UBR1: variants seen among roughly 807,000 people sequenced by gnomAD.
The protein encoded by UBR1 is ubiquitin protein ligase E3 component n-recognin 1, also known as E3 ubiquitin-protein ligase UBR1.
In UBR1, 102 loss-of-function variants were observed where a neutral mutation model predicts 242.1. That is an observed-to-expected ratio of 0.42 (90% CI 0.36 to 0.50). The LOEUF (loss-of-function observed/expected upper bound fraction) is 0.50. Ranked by LOEUF, UBR1 falls within the 20% of genes least tolerant of loss-of-function variation. The pLI is 0.01. For synonymous variants in UBR1, 675 were observed against 684.8 expected, an observed-to-expected ratio of 0.99 and a Z score of 0.22; for missense variants, 1,772 against 2,101.8, an observed-to-expected ratio of 0.84 and a Z score of 3.07.
chr15:42,966,544 G>A (rs1375685098), intron 40 of UBR1, among the ~76,000 whole-genome samples: 2 of 152,076 alleles, frequency 1.3e-5, no homozygotes, highest in East Asian at 1.9e-4. Context: ...CGGGCATGGT[G>A]GTGGGCACCT....
At chr15:42,978,815 G>C (rs1161135314) in intron 37 of UBR1, among the ~76,000 whole-genome samples, 1 of 146,300 alleles carries the variant, frequency 6.8e-6, no homozygotes, top group Admixed American at 7.0e-5. Flanking sequence ...CGCAACCTCC[G>C]CCTCCCAGGT....
chr15:43,000,682 A>T (rs954803187), intron 32 of UBR1, among the ~76,000 whole-genome samples: 3 of 152,226 alleles, frequency 2.0e-5, no homozygotes, highest in African/African-American at 7.2e-5. Flanking sequence ...ATTAAATAAG[A>T]TAATGCAGCA....
At chr15:43,038,721 C>T (rs189253413) in intron 15 of UBR1, among the ~76,000 whole-genome samples, 30 of 152,290 alleles carry the variant, frequency 2.0e-4, no homozygotes, top group African/African-American at 7.0e-4. Flanking sequence ...TAAAATCCTA[C>T]ACCATGCAAG....
At chr15:43,077,378 G>A (rs982153008) in intron 3 of UBR1, among the ~76,000 whole-genome samples, 1 of 151,916 alleles carries the variant, frequency 6.6e-6, no homozygotes, top group African/African-American at 2.4e-5. Flanking sequence ...TCTGAAACAT[G>A]TGCTGTGTCC....
chr15:43,020,517 T>A (rs1370362000), intron 27 of UBR1, among the ~76,000 whole-genome samples: 1 of 152,232 alleles, frequency 6.6e-6, no homozygotes, highest in Non-Finnish European at 1.5e-5. Context: ...CCTAACAGTT[T>A]CCTTACTTGT....
intron 35 of UBR1, 115 bp from the exon 36 acceptor site, chr15:42,985,057 TC>T: frequency 1.1e-6 from 1 of 906,626 alleles, no homozygotes; most frequent in Non-Finnish European, 1.6e-6. Flanking sequence ...TTTGCATTTT[TC>T]CCCTTCAAAG....
intron 1 of UBR1, among the ~76,000 whole-genome samples, chr15:43,104,700 T>C (rs1188934216): frequency 1.3e-5 from 2 of 150,654 alleles, no homozygotes; most frequent in Non-Finnish European, 2.9e-5. Context: ...GTATGCAGGG[T>C]TAAAAAAAAA....
At chr15:42,959,074 G>A (rs998894152) in intron 43 of UBR1, among the ~76,000 whole-genome samples, 5 of 152,038 alleles carry the variant, frequency 3.3e-5, no homozygotes, top group Admixed American at 6.6e-5. Context: ...CAGGTGATCC[G>A]CCCACCTTGG....
At chr15:43,028,713 C>T (rs762203009) in intron 21 of UBR1, among the ~76,000 whole-genome samples, 43 of 150,780 alleles carry the variant, frequency 2.9e-4, no homozygotes, top group Non-Finnish European at 5.2e-4. Flanking sequence ...CCACTGCACT[C>T]CAGCCTGGGC....
intron 25 of UBR1, 76 bp from the exon 26 acceptor site, chr15:43,022,877 T>C: frequency 1.1e-6 from 1 of 913,948 alleles, no homozygotes; most frequent in African/African-American, 1.7e-5. Flanking sequence ...TTTTAATTTT[T>C]TTCAGAGACT....
intron 17 of UBR1, 139 bp from the exon 18 acceptor site, chr15:43,036,732 A>G: frequency 1.6e-6 from 1 of 628,866 alleles, no homozygotes; most frequent in Non-Finnish European, 2.8e-6. Flanking sequence ...TTGTAAATCT[A>G]TGAATCACTT....
intron 44 of UBR1, among the ~76,000 whole-genome samples, chr15:42,953,062 T>C (rs1763722653): frequency 6.6e-6 from 1 of 152,090 alleles, no homozygotes; most frequent in African/African-American, 2.4e-5. Context: ...TAGCTGGGAC[T>C]GAAATGAGAG....
intron 43 of UBR1, among the ~76,000 whole-genome samples, chr15:42,960,076 C>A (rs914775629): frequency 6.6e-6 from 1 of 152,076 alleles, no homozygotes; most frequent in Non-Finnish European, 1.5e-5. Flanking sequence ...ATTCTGGGTG[C>A]AAACAAGTGG....
At chr15:43,097,234 T>C (rs1216307705) in intron 1 of UBR1, among the ~76,000 whole-genome samples, 1 of 151,606 alleles carries the variant, frequency 6.6e-6, no homozygotes, top group African/African-American at 2.4e-5. Context: ...AAAAGAATCT[T>C]TTTTTTTTCT....
rs1371528453 is a variant in UBR1, at chr15:42,966,229, G to A, written c.4515C>T (p.Ile1505=). 1 of 1,614,120 alleles carries A rather than the reference G, an allele frequency of 6.2e-7. No individual in the cohort carries two copies. Among genetic ancestry groups the A allele is most frequent in the Admixed American group, 1.7e-5 (1 of 60,008 alleles). ...WYLWVSLKNG[I]TPYLRCAALF... ...ATGCAGCACAGCGAAGATAAGGGGTGATGCCATTCTTCAGTGAGACCCACA... is the reference window on the plus strand; with the variant it reads ...ATGCAGCACAGCGAAGATAAGGGGTAATGCCATTCTTCAGTGAGACCCACA... The change falls in exon 41 of 47, where the codon ATC becomes ATT. Residue 1505 remains isoleucine, a synonymous_variant. Coordinates refer to ENST00000290650, the MANE Select transcript of UBR1 (RefSeq NM_174916.3).
intron 30 of UBR1, among the ~76,000 whole-genome samples, chr15:43,006,626 A>G (rs558260077): frequency 7.9e-5 from 12 of 152,336 alleles, no homozygotes; most frequent in African/African-American, 2.6e-4. Context: ...TCCTGATGTA[A>G]TAAGTGCAAT....
Position 43,074,906 on chromosome 15 carries a change from C to T in UBR1, c.528+73G>A, listed in dbSNP as rs2033869001. Reference sequence around the variant, plus strand: ...CAGGGTTCTAACTGGAATCTATACACATAACATTTATTCTTATCTAATCTC... The same window carrying T: ...CAGGGTTCTAACTGGAATCTATACATATAACATTTATTCTTATCTAATCTC... On this transcript the variant is annotated intron_variant, in intron 4 of 46. Transcript: ENST00000290650. 3 of 1,233,270 alleles carry T rather than the reference C, an allele frequency of 2.4e-6. No homozygotes were observed. The South Asian group carries it at 3.6e-5, about 15-fold the overall frequency. The allele number at this position is 1,233,270 out of a possible 1,614,324, so 76.4% of individuals were successfully genotyped here.
chr15:42,987,672 C>A (rs1178021209), intron 35 of UBR1, among the ~76,000 whole-genome samples: 2 of 130,812 alleles, frequency 1.5e-5, no homozygotes, highest in African/African-American at 5.6e-5. Flanking sequence ...GAGATTGTGC[C>A]ACTGCACTCC....
intron 37 of UBR1, among the ~76,000 whole-genome samples, chr15:42,981,525 T>C (rs1396822669): frequency 1.3e-5 from 2 of 152,310 alleles, no homozygotes; most frequent in Non-Finnish European, 2.9e-5. Flanking sequence ...AATCTCGCTC[T>C]GTCGCCCATG....
Sources: gnomAD v4.1 joint callset for allele counts (sites outside exome capture counted in the v4.1 genomes callset) on GRCh38, gnomAD v4.1.1 for gene constraint, MANE v1.5 for transcripts, NCBI Gene and HGNC (gene_info 2026-07-23, HGNC 2026-07-21) for gene names.